Variants in CLIP1 observed in about 807,000 individuals in gnomAD.
CLIP1 encodes the protein CAP-Gly domain-containing linker protein 1.
In CLIP1, 66 loss-of-function variants were observed where a neutral mutation model predicts 161.6. The ratio of observed to expected loss-of-function variants is 0.41; its 90% CI spans 0.33 to 0.50. The LOEUF is 0.50. Among genes scored for constraint, CLIP1 ranks in the 20% least tolerant of loss-of-function variants. CLIP1 has a pLI of 0.27. For missense variants in CLIP1, 1,376 were observed against 1,702.0 expected, an observed-to-expected ratio of 0.81 and a Z score of 3.37; for synonymous variants, 598 against 626.2, an observed-to-expected ratio of 0.96 and a Z score of 0.67.
intron 8 of CLIP1, among the ~76,000 whole-genome samples, chr12:122,352,352 C>A (rs112028644): frequency 2.0e-5 from 3 of 152,120 alleles, no homozygotes; most frequent in Admixed American, 2.0e-4. Flanking sequence ...CCACCGCACC[C>A]GGCCTGTTAT....
At chr12:122,343,391 C>T (rs1204770452) in intron 10 of CLIP1, 2 of 152,136 alleles carry the variant, frequency 1.3e-5, no homozygotes, top group African/African-American at 2.4e-5. Flanking sequence ...CCTTGGCCTC[C>T]CAAAGTGCTG....
In CLIP1 at chr12:122,421,494, G is replaced by A. The variant is rs539155268; in HGVS notation, c.-107+1027C>T. On this transcript the variant is annotated intron_variant, in intron 1 of 25. Coordinates refer to ENST00000620786, the MANE Select transcript of CLIP1 (RefSeq NM_001247997.2). ...ACTTAATACTTATAGAGCTGCTAGG[G>A]GCCACTGTCCTAAAAGAGGAAGAAG... Among the ~76,000 whole-genome samples the A allele has an allele frequency of 1.6e-4, 24 of 152,108 alleles. No homozygotes were observed. In the South Asian group the frequency reaches 4.8e-3, roughly 30 times the overall value.
At chr12:122,400,975 G>A (rs1000220993) in intron 1 of CLIP1, 17 of 149,010 alleles carry the variant, frequency 1.1e-4, no homozygotes, top group African/African-American at 3.2e-4. Context: ...GCAGTGGCGC[G>A]ATCTCGGCTC....
At chr12:122,330,597 GTTTTT>G (rs71082966) in intron 15 of CLIP1, among the ~76,000 whole-genome samples, 5 of 101,404 alleles carry the variant, frequency 4.9e-5, no homozygotes, top group African/African-American at 2.2e-4. Context: ...GTATAATGCA[GTTTTT>G]TTTTTTTTTT....
At chr12:122,301,326 A>G (rs540531581) in intron 20 of CLIP1, among the ~76,000 whole-genome samples, 1 of 152,342 alleles carries the variant, frequency 6.6e-6, no homozygotes, top group Admixed American at 6.5e-5. Context: ...TATTTGTTCT[A>G]TTCTTACAAC....
intron 20 of CLIP1, among the ~76,000 whole-genome samples, chr12:122,293,183 A>AT (rs1400143449): frequency 6.6e-6 from 1 of 152,146 alleles, no homozygotes. Context: ...GTGAATGGAC[A>AT]TTTTACCAAA....
intron 20 of CLIP1, among the ~76,000 whole-genome samples, chr12:122,301,155 G>A (rs1042990408): frequency 6.6e-6 from 1 of 152,186 alleles, no homozygotes; most frequent in African/African-American, 2.4e-5. Context: ...ATCTTGGACT[G>A]AATCCTGAAT....
Position 122,377,352 on chromosome 12 carries a change from G to A in CLIP1, c.657+37C>T, listed in dbSNP as rs752149766. 5 of 1,560,282 alleles carry A rather than the reference G, an allele frequency of 3.2e-6. No homozygotes were observed. The African/African-American group carries it at 6.8e-5, about 21-fold the overall frequency. Reference sequence around the variant, plus strand: ...ACCACTCACTGGTGTTTATATCTCAGTTCAATGAAATGACCTCAGAATGTT... The same window carrying A: ...ACCACTCACTGGTGTTTATATCTCAATTCAATGAAATGACCTCAGAATGTT... On this transcript the variant is annotated intron_variant, in intron 3 of 25. Transcript: ENST00000620786.
chr12:122,305,149 C>T (rs11057421), intron 20 of CLIP1, among the ~76,000 whole-genome samples: 19,523 of 152,226 alleles, frequency 0.13, 1,658 homozygotes, highest in Middle Eastern at 0.21. Context: ...AGTGATAGCT[C>T]ACTGTATTTG....
chr12:122,409,758 C>T (rs1402477469), intron 1 of CLIP1, among the ~76,000 whole-genome samples: 1 of 152,140 alleles, frequency 6.6e-6, no homozygotes, highest in African/African-American at 2.4e-5. Flanking sequence ...TCTCGAACTC[C>T]TGACCTCAGG....
At chr12:122,411,028 G>A (rs1956510959) in intron 1 of CLIP1, among the ~76,000 whole-genome samples, 1 of 152,158 alleles carries the variant, frequency 6.6e-6, no homozygotes, top group Non-Finnish European at 1.5e-5. Context: ...GTATTGTACT[G>A]CCTCAAAAGG....
chr12:122,407,384 G>C (rs1475928436), intron 1 of CLIP1, among the ~76,000 whole-genome samples: 1 of 152,104 alleles, frequency 6.6e-6, no homozygotes, highest in African/African-American at 2.4e-5. Flanking sequence ...ATATACAGCA[G>C]TGAGATCAAA....
intron 15 of CLIP1, among the ~76,000 whole-genome samples, chr12:122,329,846 G>A (rs375007559): frequency 2.0e-5 from 3 of 152,206 alleles, no homozygotes; most frequent in Non-Finnish European, 4.4e-5. Flanking sequence ...GGCCGGGTGC[G>A]TTGGCTCACG....
At chr12:122,388,674 T>G (rs1013591986) in intron 1 of CLIP1, among the ~76,000 whole-genome samples, 1 of 152,140 alleles carries the variant, frequency 6.6e-6, no homozygotes, top group African/African-American at 2.4e-5. Flanking sequence ...GCTCAAGTGA[T>G]TCACGAACCC....
chr12:122,350,907 T>G (rs1472457695), intron 9 of CLIP1: 2 of 414,078 alleles, frequency 4.8e-6, no homozygotes, highest in Non-Finnish European at 4.3e-6. Context: ...ATTAAACACA[T>G]GAATGTGTGG....
At chr12:122,315,707 C>G (rs2136579585) in intron 19 of CLIP1, among the ~76,000 whole-genome samples, 1 of 148,878 alleles carries the variant, frequency 6.7e-6, no homozygotes, top group South Asian at 2.1e-4. Flanking sequence ...GTGGCTCGAT[C>G]TCGGCTCACT....
chr12:122,278,799 G>C lies in CLIP1; in HGVS notation c.3909C>G (p.Ser1303Arg). The change falls in exon 23 of 26, where the codon AGC (serine) becomes AGG (arginine). Residue 1303 changes from serine to arginine, a missense_variant. Transcript: ENST00000620786. ...TGGGCAGGCGCCCTTTACCTGAGGAGCTGCTGAGCTGCCTCTTGTTTTCTT... is the reference window on the plus strand; with the variant it reads ...TGGGCAGGCGCCCTTTACCTGAGGACCTGCTGAGCTGCCTCTTGTTTTCTT... The part of the protein sequence containing the change: ...QLKENKRQLS[S>R]SSGNTDTQAD... The C allele has an allele frequency of 6.3e-7, 1 of 1,598,138 alleles. No homozygotes were observed. Among genetic ancestry groups the C allele is most frequent in the Admixed American group, 1.7e-5 (1 of 57,424 alleles).
intron 1 of CLIP1, among the ~76,000 whole-genome samples, chr12:122,415,468 T>G (rs10846835): frequency 2.1e-5 from 3 of 141,036 alleles, no homozygotes; most frequent in African/African-American, 5.3e-5. Flanking sequence ...GGCGACAGAG[T>G]GAGACTCCAT....
chr12:122,304,254 T>A (rs1006144514), intron 20 of CLIP1, among the ~76,000 whole-genome samples: 3 of 152,238 alleles, frequency 2.0e-5, no homozygotes, highest in Non-Finnish European at 4.4e-5. Context: ...ATGGAGAGAA[T>A]TCAAGTACAA....
Sources: gnomAD v4.1 joint callset for allele counts (sites outside exome capture counted in the v4.1 genomes callset) on GRCh38, gnomAD v4.1.1 for gene constraint, MANE v1.5 for transcripts, NCBI Gene and HGNC (gene_info 2026-07-23, HGNC 2026-07-21) for gene names.